Variants in DDB2 observed in about 807,000 individuals in gnomAD.
DDB2 encodes the protein DNA damage-binding protein 2.
Under a neutral mutation model 50.5 loss-of-function variants are expected in DDB2, and 27 were observed. The ratio of observed to expected loss-of-function variants is 0.53; its 90% CI spans 0.39 to 0.74. The LOEUF (loss-of-function observed/expected upper bound fraction) is 0.74. Ranked by LOEUF, DDB2 falls within the 30% of genes least tolerant of loss-of-function variation. The pLI is 0.00. For synonymous variants in DDB2, 176 were observed against 205.5 expected, an observed-to-expected ratio of 0.86 and a Z score of 1.23; for missense variants, 424 against 545.6, an observed-to-expected ratio of 0.78 and a Z score of 2.22.
chr11:47,220,031 C>T (rs1479665326), intron 3 of DDB2, among the ~76,000 whole-genome samples: 1 of 152,036 alleles, frequency 6.6e-6, no homozygotes, highest in Non-Finnish European at 1.5e-5. Context: ...CCTCGTGATC[C>T]GCCCGCCTCG....
intron 4 of DDB2, 22 bp from the exon 5 acceptor site, chr11:47,234,551 A>G (rs776525021): frequency 6.2e-7 from 1 of 1,603,848 alleles, no homozygotes; most frequent in Admixed American, 1.7e-5. Context: ...CAAGAATCTT[A>G]CAACACAGTC....
chr11:47,215,490 A>T, intron 1 of DDB2: 1 of 586,722 alleles, frequency 1.7e-6, no homozygotes, highest in Non-Finnish European at 3.1e-6. Context: ...AGACACACGG[A>T]CTTGTCAGAT....
intron 9 of DDB2, 63 bp downstream of exon 9, chr11:47,238,246 G>C (rs575244209): frequency 2.0e-6 from 3 of 1,470,332 alleles, no homozygotes; most frequent in South Asian, 1.2e-5. Context: ...GGTTCAGTGC[G>C]GGCCAGCCTC....
chr11:47,234,673 G>T lies in DDB2; in HGVS notation c.702+1G>T. On this transcript the variant is annotated splice_donor_variant, in intron 5 of 9. Coordinates refer to ENST00000256996, the MANE Select transcript of DDB2 (RefSeq NM_000107.3). LOFTEE classifies it high-confidence loss of function. Reference sequence around the variant, plus strand: ...CCTGCTGAACATGGACGGCAAAGAGGTGCGTTCTCCGAGGTCCTGCCTTTC... The same window carrying T: ...CCTGCTGAACATGGACGGCAAAGAGTTGCGTTCTCCGAGGTCCTGCCTTTC... 1.2e-6 allele frequency: 2 copies of T among 1,614,026 alleles called. No individual in the cohort carries two copies. Among genetic ancestry groups the T allele is most frequent in the Non-Finnish European group, 1.7e-6 (2 of 1,179,964 alleles).
rs776207791 is a variant in DDB2 at position 47,227,505 on chromosome 11, AT to A, written c.457-5293del. ...GTCGATTGTTTCTTTTGATGCCTGA[AT>A]TTTTTTTTTTTTTTTAATTTTGAGA... On this transcript the variant is annotated intron_variant, in intron 3 of 9. Transcript: ENST00000256996. Among the ~76,000 whole-genome samples, 929 of 136,180 alleles carry A rather than the reference AT, an allele frequency of 6.8e-3. 3 individuals carry two copies. The highest frequency in any genetic ancestry group is 0.01 in the African/African-American group (376 of 37,386). 89.3% of individuals were successfully genotyped at this position (136,180 alleles called of 152,430 possible). A position where few individuals can be genotyped will look rare whatever the true frequency, so the allele number is the denominator to read the frequency against.
chr11:47,228,301 T>C (rs1369252778), intron 3 of DDB2, among the ~76,000 whole-genome samples: 1 of 150,724 alleles, frequency 6.6e-6, no homozygotes, highest in Admixed American at 6.6e-5. Flanking sequence ...CTCTTTAGCT[T>C]GGGAATTATT....
intron 3 of DDB2, among the ~76,000 whole-genome samples, chr11:47,220,949 C>T (rs1359885648): frequency 2.0e-5 from 3 of 152,148 alleles, no homozygotes; most frequent in Admixed American, 1.3e-4. Context: ...CACCTGAGGT[C>T]AGGAGTTCCG....
intron 4 of DDB2, chr11:47,233,212 CT>C: frequency 1.9e-6 from 1 of 533,160 alleles, no homozygotes; most frequent in Non-Finnish European, 3.4e-6. Flanking sequence ...TAGACTGGAC[CT>C]TGACCCTCAC....
intron 3 of DDB2, among the ~76,000 whole-genome samples, chr11:47,232,322 A>G (rs1208628525): frequency 6.6e-6 from 1 of 151,716 alleles, no homozygotes; most frequent in Non-Finnish European, 1.5e-5. Context: ...ACTCCATCTC[A>G]AAAACATAAA....
At chr11:47,220,892 G>C (rs1386530872) in intron 3 of DDB2, 2 of 152,178 alleles carry the variant, frequency 1.3e-5, no homozygotes, top group Non-Finnish European at 2.9e-5. Context: ...AGGCGCAGTG[G>C]CCCACGCCTG....
chr11:47,216,195 C>A, intron 1 of DDB2, 141 bp from the exon 2 acceptor site: 1 of 1,257,428 alleles, frequency 8.0e-7, no homozygotes, highest in Non-Finnish European at 1.2e-6. Flanking sequence ...CTCGTTGAGA[C>A]CACACAGACA....
At chr11:47,237,101 CTTAG>C (rs1452574419) in intron 7 of DDB2, among the ~76,000 whole-genome samples, 1 of 152,150 alleles carries the variant, frequency 6.6e-6, no homozygotes, top group African/African-American at 2.4e-5. Context: ...ACACTCAGCT[CTTAG>C]TTATTCGTGT....
At chr11:47,223,158 T>C (rs1431927822) in intron 3 of DDB2, among the ~76,000 whole-genome samples, 2 of 152,264 alleles carry the variant, frequency 1.3e-5, no homozygotes, top group African/African-American at 4.8e-5. Flanking sequence ...ATACAATATA[T>C]TTGTTCACAG....
intron 1 of DDB2, chr11:47,215,524 GCA>G (rs1477275637): frequency 9.9e-6 from 5 of 507,406 alleles, no homozygotes; most frequent in East Asian, 3.7e-5. Context: ...CAGGGTTCTT[GCA>G]CAGTTAGGAC....
At chr11:47,217,770 A>C (rs1234677108) in intron 3 of DDB2, among the ~76,000 whole-genome samples, 5 of 152,114 alleles carry the variant, frequency 3.3e-5, no homozygotes, top group Non-Finnish European at 5.9e-5. Flanking sequence ...GTGCGCCTGT[A>C]GTCCCAGCTA....
rs1005757127 is a variant in DDB2 at position 47,232,837 on chromosome 11, T to C, written c.480T>C (p.Thr160=). 1.9e-6 allele frequency: 3 copies of C among 1,614,000 alleles called. No homozygotes were observed. The highest frequency in any genetic ancestry group is 2.5e-6 in the Non-Finnish European group (3 of 1,180,024). ...AGATTGGAGCTGGAGGGAGCATCAC[T>C]GGGCTGAAGTTTAACCCTCTCAATA... ...IKGIGAGGSI[T]GLKFNPLNTN... is the part of the protein sequence containing the mutation. Residue 160 remains threonine, a synonymous_variant, in exon 4 of 10, where the codon ACT becomes ACC. Transcript: ENST00000256996.
At chr11:47,225,930 C>G (rs1297742119) in intron 3 of DDB2, among the ~76,000 whole-genome samples, 1 of 152,196 alleles carries the variant, frequency 6.6e-6, no homozygotes, top group African/African-American at 2.4e-5. Context: ...CATGTTGTAG[C>G]ATGTGGCAGA....
intron 9 of DDB2, among the ~76,000 whole-genome samples, chr11:47,238,459 C>T (rs1262306756): frequency 1.3e-5 from 2 of 151,924 alleles, no homozygotes; most frequent in African/African-American, 4.8e-5. Flanking sequence ...AGTGCAGTGG[C>T]GTGATCTTGG....
intron 6 of DDB2, 132 bp downstream of exon 6, chr11:47,235,066 A>G: frequency 1.5e-6 from 2 of 1,308,894 alleles, no homozygotes. Context: ...ATGTCTGGGA[A>G]CCTTTGTGGC....
Sources: gnomAD v4.1 joint callset for allele counts (sites outside exome capture counted in the v4.1 genomes callset) on GRCh38, gnomAD v4.1.1 for gene constraint, MANE v1.5 for transcripts, NCBI Gene and HGNC (gene_info 2026-07-23, HGNC 2026-07-21) for gene names.